The following MEGF11 variants were observed in gnomAD, a reference collection of about 807,000 sequenced individuals.
MEGF11 encodes multiple epidermal growth factor-like domains protein 11.
In MEGF11, 126 loss-of-function variants were observed where a neutral mutation model predicts 146.6. That is an observed-to-expected ratio of 0.86 (90% CI 0.74 to 1.00). The LOEUF is 1.00. Ranked by LOEUF, MEGF11 falls within the 50% of genes least tolerant of loss-of-function variation. The pLI is 0.00. For missense variants in MEGF11, 1,509 were observed against 1,521.2 expected (o/e 0.99, Z 0.13); for synonymous variants, 532 against 583.4 (o/e 0.91, Z 1.27).
rs938160329 is a variant in MEGF11, at chr15:65,912,016, C to T, written c.2829+66G>A. 1.6e-5 allele frequency: 15 copies of T among 959,360 alleles called. No individual in the cohort carries two copies. In the Admixed American group the frequency reaches 5.6e-4, roughly 36 times the overall value. 59.4% of individuals were successfully genotyped at this position (959,360 alleles called of 1,614,324 possible). ...GTGGCGGGGGGCGTGCAGTTCCTTC[C>T]TGGGCAGAGGTGAGGGTTAAATGAG... On this transcript the variant is annotated intron_variant, in intron 21 of 25. Transcript: ENST00000395614.
intron 1 of MEGF11, among the ~76,000 whole-genome samples, chr15:66,181,145 A>C (rs2090535871): frequency 6.6e-6 from 1 of 152,230 alleles, no homozygotes; most frequent in Admixed American, 6.5e-5. Context: ...CTAGGCAAAA[A>C]TTAGATACAA....
rs748287487 is a variant in MEGF11 at position 65,909,812 on chromosome 15, T to G, written c.2830-6A>C. On this transcript the variant is annotated splice_region_variant and splice_polypyrimidine_tract_variant and intron_variant, in intron 21 of 25. Coordinates refer to ENST00000395614, the MANE Select transcript of MEGF11 (RefSeq NM_001385028.1). The stretch of plus-strand genomic sequence containing the variant: ...TCAAGGGACTTGTTACTGAGCTGTT[T>G]GGAGAGTAGGAGAGCCAGTTAATAT... 1.9e-6 allele frequency: 3 copies of G among 1,570,296 alleles called. No homozygotes were observed. Among genetic ancestry groups the G allele is most frequent in the South Asian group, 1.1e-5 (1 of 87,188 alleles).
intron 4 of MEGF11, among the ~76,000 whole-genome samples, chr15:66,117,182 C>T (rs1417898495): frequency 2.0e-5 from 3 of 152,154 alleles, no homozygotes; most frequent in Admixed American, 2.0e-4. Context: ...AAGAAGCTGG[C>T]AGTGGCAGAG....
At chr15:66,017,696 G>A (rs564583301) in intron 5 of MEGF11, among the ~76,000 whole-genome samples, 3 of 152,318 alleles carry the variant, frequency 2.0e-5, no homozygotes, top group South Asian at 2.1e-4. Flanking sequence ...CTGAGAAGCC[G>A]AAGCCCAGAG....
chr15:65,972,572 A>G (rs1281281795), intron 7 of MEGF11, among the ~76,000 whole-genome samples: 1 of 152,192 alleles, frequency 6.6e-6, no homozygotes, highest in African/African-American at 2.4e-5. Context: ...GAAAATACAA[A>G]GAGGAAAACA....
chr15:66,116,745 G>A (rs2087748957), intron 4 of MEGF11, among the ~76,000 whole-genome samples: 1 of 152,136 alleles, frequency 6.6e-6, no homozygotes, highest in Admixed American at 6.6e-5. Flanking sequence ...CTAAAAGCCA[G>A]GACTCAAACA....
chr15:65,923,655 G>C (rs1186994795), intron 13 of MEGF11, among the ~76,000 whole-genome samples: 3 of 152,158 alleles, frequency 2.0e-5, no homozygotes, highest in African/African-American at 7.2e-5. Flanking sequence ...TGATGTATTC[G>C]ATTTCAGCTT....
At chr15:66,023,653 C>T (rs1370107726) in intron 5 of MEGF11, among the ~76,000 whole-genome samples, 1 of 152,180 alleles carries the variant, frequency 6.6e-6, no homozygotes, top group African/African-American at 2.4e-5. Context: ...CTGCACAGAC[C>T]CAAGTGGGGT....
chr15:66,150,615 T>TGGAAGGAAGGAAGGAA (rs139546795), intron 1 of MEGF11, among the ~76,000 whole-genome samples: 31,192 of 146,128 alleles, frequency 0.21, 4,040 homozygotes, highest in Admixed American at 0.34. Flanking sequence ...GACTTATTAG[T>TGGAAGGAAGGAAGGAA]GGAAGGAAGG....
intron 7 of MEGF11, among the ~76,000 whole-genome samples, chr15:65,972,518 A>G (rs1021258726): frequency 6.6e-6 from 1 of 151,922 alleles, no homozygotes; most frequent in Non-Finnish European, 1.5e-5. Flanking sequence ...AGACCAGCCT[A>G]GGCAACAAAG....
chr15:66,098,730 G>T lies in MEGF11; in HGVS notation c.302-4236C>A, dbSNP rs552646389. Among the ~76,000 whole-genome samples the T allele has an allele frequency of 5.9e-5, 9 of 152,304 alleles. No homozygotes were observed. In the South Asian group the frequency reaches 1.9e-3, roughly 32 times the overall value. ...ATTGGATTCAGCTTGGAAATAAAAT[G>T]ACCTACATCCACGTGGACCCAAGTG... On this transcript the variant is annotated intron_variant, in intron 4 of 25. Coordinates refer to ENST00000395614, the MANE Select transcript of MEGF11 (RefSeq NM_001385028.1).
intron 5 of MEGF11, among the ~76,000 whole-genome samples, chr15:66,052,651 G>A (rs539064121): frequency 3.9e-5 from 6 of 152,256 alleles, no homozygotes; most frequent in East Asian, 3.9e-4. Context: ...ACTCTAAGCC[G>A]AGAGAAAGAT....
intron 5 of MEGF11, among the ~76,000 whole-genome samples, chr15:65,994,400 G>A (rs1241577531): frequency 1.3e-5 from 2 of 152,236 alleles, no homozygotes; most frequent in Admixed American, 6.5e-5. Flanking sequence ...AGCAGTGGAA[G>A]TGGAGGCTGT....
At chr15:65,924,350 C>T (rs1021104295) in intron 13 of MEGF11, among the ~76,000 whole-genome samples, 4 of 12,618 alleles carry the variant, frequency 3.2e-4, no homozygotes, top group African/African-American at 6.8e-4. Flanking sequence ...GAAATGGTTG[C>T]GGGTGGGTAG....
intron 4 of MEGF11, among the ~76,000 whole-genome samples, chr15:66,115,763 T>C (rs2087695157): frequency 6.6e-6 from 1 of 152,178 alleles, no homozygotes; most frequent in African/African-American, 2.4e-5. Flanking sequence ...ATGACGTGTG[T>C]GCTCATAACA....
intron 5 of MEGF11, among the ~76,000 whole-genome samples, chr15:66,094,064 C>T (rs978727521): frequency 3.3e-5 from 5 of 152,196 alleles, no homozygotes; most frequent in African/African-American, 9.7e-5. Context: ...ACGGCGACCT[C>T]CTCAGTGTGT....
At chr15:65,960,254 C>A (rs2080812040) in intron 9 of MEGF11, among the ~76,000 whole-genome samples, 1 of 152,172 alleles carries the variant, frequency 6.6e-6, no homozygotes, top group Non-Finnish European at 1.5e-5. Context: ...CCCTAACTTA[C>A]CAAAACTGAG....
chr15:66,175,954 TCAA>T lies in MEGF11; in HGVS notation c.-8-47546_-8-47544del, dbSNP rs201096466. The stretch of plus-strand genomic sequence containing the variant: ...CTAATATCCAGAATATATAAGGCAC[TCAA>T]CAACAACAACAACAAAAACACATAA... On this transcript the variant is annotated intron_variant, in intron 1 of 25. Transcript: ENST00000395614. 3.2e-3 allele frequency among the ~76,000 whole-genome samples: 483 copies of T among 152,096 alleles called. 2 individuals are homozygous for T. The highest frequency in any genetic ancestry group is 9.4e-3 in the African/African-American group (392 of 41,508).
intron 1 of MEGF11, among the ~76,000 whole-genome samples, chr15:66,215,023 A>T (rs2091551495): frequency 6.6e-6 from 1 of 152,172 alleles, no homozygotes; most frequent in South Asian, 2.1e-4. Flanking sequence ...TGGAATGCAC[A>T]GGTAAAGAGT....
Sources: allele counts gnomAD v4.1 joint callset (sites outside exome capture counted in the v4.1 genomes callset), GRCh38; gene constraint gnomAD v4.1.1; transcripts MANE v1.5; gene names NCBI Gene and HGNC (gene_info 2026-07-23, HGNC 2026-07-21).